The following XPNPEP3 variants were observed in gnomAD, a reference collection of about 807,000 sequenced individuals.
XPNPEP3 encodes X-prolyl aminopeptidase 3, also known as xaa-Pro aminopeptidase 3.
Under a neutral mutation model 60.0 loss-of-function variants are expected in XPNPEP3, and 41 were observed. That is an observed-to-expected ratio of 0.68 (90% CI 0.53 to 0.89). The LOEUF is 0.89. XPNPEP3 is among the 40% of genes least tolerant of loss of function. XPNPEP3 has a pLI of 0.00. For missense variants in XPNPEP3, 598 were observed against 638.9 expected (o/e 0.94, Z 0.69); for synonymous variants, 212 against 223.2 (o/e 0.95, Z 0.45).
chr22:40,875,202 G>C (rs935075627), intron 2 of XPNPEP3, among the ~76,000 whole-genome samples: 1 of 151,940 alleles, frequency 6.6e-6, no homozygotes, highest in Non-Finnish European at 1.5e-5. Context: ...TTGAGATGGG[G>C]TCTTGCTCTG....
At chr22:40,867,833 A>G (rs1293493101) in intron 1 of XPNPEP3, among the ~76,000 whole-genome samples, 1 of 151,436 alleles carries the variant, frequency 6.6e-6, no homozygotes, top group Non-Finnish European at 1.5e-5. Context: ...TTCTAGATCT[A>G]TTGTTTCATT....
At chr22:40,893,942 A>G (rs1276477696) in intron 4 of XPNPEP3, among the ~76,000 whole-genome samples, 1 of 152,140 alleles carries the variant, frequency 6.6e-6, no homozygotes, top group African/African-American at 2.4e-5. Context: ...ATCCATTTTG[A>G]GGACATATGT....
intron 4 of XPNPEP3, among the ~76,000 whole-genome samples, chr22:40,888,041 C>T (rs748757657): frequency 1.1e-4 from 16 of 152,044 alleles, no homozygotes; most frequent in African/African-American, 1.7e-4. Flanking sequence ...CACTTTTTCC[C>T]GACTTTCTCC....
At chr22:40,863,457 T>TA (rs1343683253) in intron 1 of XPNPEP3, among the ~76,000 whole-genome samples, 1 of 152,254 alleles carries the variant, frequency 6.6e-6, no homozygotes, top group Non-Finnish European at 1.5e-5. Context: ...AGTTAAATGA[T>TA]ACGCTAATGA....
intron 4 of XPNPEP3, among the ~76,000 whole-genome samples, chr22:40,896,270 C>T (rs190122362): frequency 1.1e-4 from 17 of 152,284 alleles, no homozygotes; most frequent in Admixed American, 1.0e-3. Flanking sequence ...CTCGAGCACT[C>T]TGCCCACCTC....
intron 4 of XPNPEP3, among the ~76,000 whole-genome samples, chr22:40,889,937 C>T (rs920845377): frequency 3.9e-5 from 6 of 152,178 alleles, no homozygotes; most frequent in East Asian, 1.9e-4. Context: ...TGTTTTTGTA[C>T]GAACTGTACA....
At chr22:40,870,516 G>C (rs144940044) in intron 2 of XPNPEP3, among the ~76,000 whole-genome samples, 1 of 152,110 alleles carries the variant, frequency 6.6e-6, no homozygotes, top group African/African-American at 2.4e-5. Context: ...GGACATTGGG[G>C]TAAGTGAGAA....
In XPNPEP3 at chr22:40,926,849, C is replaced by T; in HGVS notation, c.*414C>T. 1 of 259,762 alleles carries T rather than the reference C, an allele frequency of 3.8e-6. No individual in the cohort carries two copies. The highest frequency in any genetic ancestry group is 4.0e-5 in the South Asian group (1 of 24,874). 16.1% of individuals were successfully genotyped at this position (259,762 alleles called of 1,614,324 possible). A position where few individuals can be genotyped will look rare whatever the true frequency, so the allele number is the denominator to read the frequency against. On this transcript the variant is annotated 3_prime_UTR_variant, in exon 10 of 10. Transcript: ENST00000357137. ...AATATCATAAGAAGTTTGTGTGATG[C>T]CTGTATTTTTAGCTAATTACCAAGG...
At chr22:40,857,274 C>T (rs749305825) in intron 1 of XPNPEP3, 29 bp downstream of exon 1, 4 of 1,613,246 alleles carry the variant, frequency 2.5e-6, no homozygotes, top group East Asian at 2.2e-5. Flanking sequence ...GGTCTCCTCC[C>T]ATGGTGTCCC....
At position 40,926,869 on chromosome 22, in the gene XPNPEP3, C is replaced by A; in HGVS notation, c.*434C>A. On this transcript the variant is annotated 3_prime_UTR_variant, in exon 10 of 10. Transcript: ENST00000357137. ...TGATGCCTGTATTTTTAGCTAATTA[C>A]CAAGGTCTCTGCCTATGCAAAAATT... 3.8e-6 allele frequency: 1 copy of A among 261,622 alleles called. No homozygotes were observed. The highest frequency in any genetic ancestry group is 7.5e-6 in the Non-Finnish European group (1 of 133,060). The allele number at this position is 261,622 out of a possible 1,614,324, so 16.2% of individuals were successfully genotyped here.
chr22:40,922,731 C>T (rs1468159810), intron 8 of XPNPEP3, among the ~76,000 whole-genome samples: 1 of 151,956 alleles, frequency 6.6e-6, no homozygotes, highest in Non-Finnish European at 1.5e-5. Flanking sequence ...TACACACACA[C>T]ACACACACAC....
chr22:40,924,279 C>G, intron 8 of XPNPEP3, 83 bp from the exon 9 acceptor site: 2 of 1,558,028 alleles, frequency 1.3e-6, no homozygotes, highest in South Asian at 1.1e-5. Context: ...GATAATAACA[C>G]ATATCTCACT....
chr22:40,901,946 A>G (rs1046961037), intron 4 of XPNPEP3, among the ~76,000 whole-genome samples: 1 of 152,108 alleles, frequency 6.6e-6, no homozygotes, highest in Non-Finnish European at 1.5e-5. Flanking sequence ...GTTGCAAAAC[A>G]TTGTGAATGT....
intron 9 of XPNPEP3, 53 bp from the exon 10 acceptor site, chr22:40,926,216 A>ACC (rs1304571691): frequency 1.2e-6 from 2 of 1,609,480 alleles, no homozygotes; most frequent in East Asian, 4.5e-5. Flanking sequence ...CTTGCCCCAA[A>ACC]CCACCCAGTT....
intron 4 of XPNPEP3, among the ~76,000 whole-genome samples, chr22:40,893,809 T>A (rs565001816): frequency 4.0e-4 from 61 of 152,102 alleles, no homozygotes; most frequent in Admixed American, 9.8e-4. Flanking sequence ...AGAGACGAGG[T>A]TTCTCCATAT....
intron 2 of XPNPEP3, among the ~76,000 whole-genome samples, chr22:40,871,070 A>G (rs2058003281): frequency 6.6e-6 from 1 of 152,090 alleles, no homozygotes; most frequent in African/African-American, 2.4e-5. Context: ...TAATACTTAA[A>G]AAGTCTCTTA....
At chr22:40,867,507 T>TA (rs1371158001) in intron 1 of XPNPEP3, among the ~76,000 whole-genome samples, 7 of 151,748 alleles carry the variant, frequency 4.6e-5, no homozygotes, top group South Asian at 2.1e-4. Context: ...TAAAAAGATT[T>TA]AAAAAAAAGA....
intron 1 of XPNPEP3, among the ~76,000 whole-genome samples, chr22:40,867,660 G>A (rs573325285): frequency 6.6e-6 from 1 of 152,016 alleles, no homozygotes; most frequent in South Asian, 2.1e-4. Flanking sequence ...CTACTTGGGA[G>A]GCTGAGCCAC....
intron 4 of XPNPEP3, among the ~76,000 whole-genome samples, chr22:40,901,530 G>C (rs906314779): frequency 1.3e-5 from 2 of 151,684 alleles, no homozygotes; most frequent in Non-Finnish European, 2.9e-5. Flanking sequence ...CCACCACGCC[G>C]GGCCTATTTA....
Sources: gnomAD v4.1 joint callset for allele counts (sites outside exome capture counted in the v4.1 genomes callset) on GRCh38, gnomAD v4.1.1 for gene constraint, MANE v1.5 for transcripts, NCBI Gene and HGNC (gene_info 2026-07-23, HGNC 2026-07-21) for gene names.